Variants in CIB1 observed in about 807,000 individuals in gnomAD.
CIB1 encodes the protein calcium and integrin-binding protein 1.
Under a neutral mutation model 25.0 loss-of-function variants are expected in CIB1, and 19 were observed. That is an observed-to-expected ratio of 0.76 (90% confidence interval 0.53 to 1.12). The LOEUF (loss-of-function observed/expected upper bound fraction) is 1.12, where lower values mean the gene tolerates loss of function less well. CIB1 is among the 50% of genes most tolerant of loss of function. CIB1 has a pLI of 0.00. For synonymous variants in CIB1, 104 were observed against 98.5 expected (o/e 1.06, Z -0.33); for missense variants, 236 against 242.6 (o/e 0.97, Z 0.18).
chr15:90,252,545 A>T, the CIB1 span, among the ~76,000 whole-genome samples: 1 of 152,116 alleles, frequency 6.6e-6, no homozygotes, highest in African/African-American at 2.4e-5. Flanking sequence ...ATTTGAAGGG[A>T]CTTCAACGAT....
chr15:90,236,706 G>C (rs766275689), upstream of CIB1, among the ~76,000 whole-genome samples: 3 of 150,942 alleles, frequency 2.0e-5, no homozygotes, highest in Non-Finnish European at 3.0e-5. Flanking sequence ...GCTAATTTTT[G>C]TATTTTTTTT....
chr15:90,249,304 G>T, the CIB1 span, among the ~76,000 whole-genome samples: 1 of 152,050 alleles, frequency 6.6e-6, no homozygotes, highest in Non-Finnish European at 1.5e-5. Flanking sequence ...TCCTTGGCCC[G>T]GGGTTTAGGG....
the CIB1 span, chr15:90,249,497 G>T: frequency 2.0e-5 from 3 of 151,900 alleles, no homozygotes; most frequent in Admixed American, 2.0e-4. Context: ...CCCCCAGGAC[G>T]CTTCTCCAAT....
At chr15:90,253,920 A>G in the CIB1 span, among the ~76,000 whole-genome samples, 1 of 152,202 alleles carries the variant, frequency 6.6e-6, no homozygotes, top group Non-Finnish European at 1.5e-5. Flanking sequence ...TTCTTTGGGG[A>G]AGCCAGGCAG....
the CIB1 span, chr15:90,259,053 G>A: frequency 1.3e-6 from 2 of 1,521,258 alleles, no homozygotes; most frequent in Non-Finnish European, 1.8e-6. Context: ...TAGATAATAT[G>A]TTCATATTTG....
At chr15:90,265,632 C>G in the CIB1 span, 3 of 1,554,256 alleles carry the variant, frequency 1.9e-6, no homozygotes, top group Non-Finnish European at 2.6e-6. Context: ...AGCCTCCGGC[C>G]CGCCCCTTCC....
chr15:90,265,749 G>C, the CIB1 span: 6 of 1,613,090 alleles, frequency 3.7e-6, no homozygotes, highest in East Asian at 6.7e-5. Flanking sequence ...GGGCGGGCGC[G>C]TTTGCGCCGC....
chr15:90,231,281 C>G, intron 4 of CIB1, 68 bp from the exon 5 acceptor site: 1 of 1,608,204 alleles, frequency 6.2e-7, no homozygotes, highest in South Asian at 1.1e-5. Flanking sequence ...CAAACGGCGC[C>G]CATTTCCCAA....
At chr15:90,250,622 T>C in the CIB1 span, 2 of 1,611,092 alleles carry the variant, frequency 1.2e-6, no homozygotes. Context: ...CCCCTCAGAA[T>C]CTGAGAGAAT....
At chr15:90,261,955 C>T in the CIB1 span, 1 of 1,426,626 alleles carries the variant, frequency 7.0e-7, no homozygotes, top group Non-Finnish European at 9.3e-7. Context: ...CCTTTCCCTA[C>T]TGAACATTCC....
chr15:90,249,180 A>T, the CIB1 span, among the ~76,000 whole-genome samples: 4 of 137,274 alleles, frequency 2.9e-5, no homozygotes, highest in Non-Finnish European at 6.0e-5. Context: ...ATTCCACTGC[A>T]CTCCAGCCTG....
At position 90,230,988 on chromosome 15, in the gene CIB1, G is replaced by A; in HGVS notation, c.500C>T (p.Thr167Ile). The change falls in exon 6 of 7, where the codon ACC becomes ATC. Residue 167 changes from threonine (T) to isoleucine (I), a missense_variant. Coordinates refer to ENST00000328649, the MANE Select transcript of CIB1 (RefSeq NM_006384.4). ...GTGCTGGAACTCAGAGAGGTTGATGGTTCCATCCCTGTCAATGTCAGACTC... is the reference window on the plus strand; with the variant it reads ...GTGCTGGAACTCAGAGAGGTTGATGATTCCATCCCTGTCAATGTCAGACTC... ...LEESDIDRDG[T>I]INLSEFQHVI... 6.2e-7 allele frequency: 1 copy of A among 1,614,186 alleles called. No homozygotes were observed. Among genetic ancestry groups the A allele is most frequent in the Non-Finnish European group, 8.5e-7 (1 of 1,180,014 alleles).
chr15:90,240,871 T>C, the CIB1 span: 1 of 1,399,500 alleles, frequency 7.1e-7, no homozygotes, highest in Non-Finnish European at 1.0e-6. Context: ...GTTACCATCA[T>C]GTGTTTTCAT....
the CIB1 span, chr15:90,242,002 C>T: frequency 6.2e-7 from 1 of 1,614,116 alleles, no homozygotes; most frequent in South Asian, 1.1e-5. Flanking sequence ...TGTCGGCTGC[C>T]CCCATCCCAG....
At position 90,231,230 on chromosome 15, in the gene CIB1, G is replaced by C. The variant is rs779886155; in HGVS notation, c.347-17C>G. 1.9e-5 allele frequency: 30 copies of C among 1,613,550 alleles called. 1 individual carries two copies. The South Asian group carries it at 3.1e-4, about 17-fold the overall frequency. On this transcript the variant is annotated splice_polypyrimidine_tract_variant and intron_variant, in intron 4 of 6. Transcript: ENST00000328649. ...CATCAAAGTCTAGAGAGCAGACACAGGAAGCCAAAAGACACGGTTGGGAGG... is the reference window on the plus strand; with the variant it reads ...CATCAAAGTCTAGAGAGCAGACACACGAAGCCAAAAGACACGGTTGGGAGG...
At chr15:90,235,214 C>T (rs1596174682), upstream of CIB1, among the ~76,000 whole-genome samples, 1 of 152,164 alleles carries the variant, frequency 6.6e-6, no homozygotes, top group Admixed American at 6.5e-5. Context: ...CCAGTGCTCT[C>T]CTTGGCAGCA....
chr15:90,233,613 C>G (rs564948212), intron 2 of CIB1, 56 bp downstream of exon 2: 84 of 1,548,878 alleles, frequency 5.4e-5, no homozygotes, highest in South Asian at 1.2e-4. Context: ...ACAGCGCCCC[C>G]GAAGCTGTCT....
chr15:90,232,922 G>A (rs9745131), intron 2 of CIB1, among the ~76,000 whole-genome samples: 1 of 149,678 alleles, frequency 6.7e-6, no homozygotes, highest in Non-Finnish European at 1.5e-5. Context: ...AGAGCGAGAC[G>A]CTGTCTCAAA....
the CIB1 span, chr15:90,262,099 G>A: frequency 6.5e-7 from 1 of 1,536,084 alleles, no homozygotes; most frequent in Admixed American, 2.0e-5. Context: ...TCTACCCTGG[G>A]CCTGACACAG....
Sources: gnomAD v4.1 joint callset for allele counts (sites outside exome capture counted in the v4.1 genomes callset) on GRCh38, gnomAD v4.1.1 for gene constraint, MANE v1.5 for transcripts, NCBI Gene and HGNC (gene_info 2026-07-23, HGNC 2026-07-21) for gene names.